Variants in DISP1 observed in about 807,000 individuals in gnomAD.
DISP1 encodes protein dispatched homolog 1.
In DISP1, 30 loss-of-function variants were observed where a neutral mutation model predicts 37.3. That is an observed-to-expected ratio of 0.80 (90% CI 0.60 to 1.09). The LOEUF (loss-of-function observed/expected upper bound fraction) is 1.09. Ranked by LOEUF, DISP1 falls within the 50% of genes least tolerant of loss-of-function variation. DISP1 has a pLI of 0.00. For missense variants in DISP1, 1,598 were observed against 1,879.5 expected (o/e 0.85, Z 2.77); for synonymous variants, 634 against 690.2 (o/e 0.92, Z 1.28).
chr1:222,919,537 T>G (rs1329923392), intron 1 of DISP1, among the ~76,000 whole-genome samples: 1 of 152,198 alleles, frequency 6.6e-6, no homozygotes, highest in Non-Finnish European at 1.5e-5. Flanking sequence ...CCCTGATCTC[T>G]TCTTTAAAAC....
intron 3 of DISP1, among the ~76,000 whole-genome samples, chr1:222,947,852 C>A (rs114583513): frequency 0.095 from 14,467 of 151,642 alleles, 728 homozygotes; most frequent in South Asian, 0.18. Context: ...TGGGTCAGGA[C>A]CGTTGTAGAT....
At chr1:222,994,452 C>T (rs1678919343) in intron 7 of DISP1, among the ~76,000 whole-genome samples, 1 of 152,190 alleles carries the variant, frequency 6.6e-6, no homozygotes, top group Non-Finnish European at 1.5e-5. Flanking sequence ...ATAGATCACC[C>T]ACCATCTCTC....
In DISP1 at chr1:222,821,022, A is replaced by G. The variant is rs556164935; in HGVS notation, c.-159+5944A>G. Among the ~76,000 whole-genome samples, 7 of 152,124 alleles carry G rather than the reference A, an allele frequency of 4.6e-5. No individual in the cohort carries two copies. In the South Asian group the frequency reaches 8.3e-4, roughly 18 times the overall value. On this transcript the variant is annotated intron_variant, in intron 1 of 8. Transcript: ENST00000675850. ...CTTATCCATCCCACGGGTCTTTGGC[A>G]TGCTTTTGCCTTCAAGTTTATCATT...
intron 1 of DISP1, among the ~76,000 whole-genome samples, chr1:222,926,918 T>A (rs1230800273): frequency 6.6e-6 from 1 of 152,176 alleles, no homozygotes; most frequent in African/African-American, 2.4e-5. Context: ...TTTTCACCGC[T>A]CTGCCAATTC....
intron 1 of DISP1, among the ~76,000 whole-genome samples, chr1:222,832,274 C>G (rs1665945717): frequency 6.6e-6 from 1 of 152,022 alleles, no homozygotes. Flanking sequence ...AAGTTTAAGT[C>G]CTGATTTACT....
At chr1:222,956,316 A>G (rs1407877187) in intron 3 of DISP1, among the ~76,000 whole-genome samples, 2 of 152,198 alleles carry the variant, frequency 1.3e-5, no homozygotes, top group Non-Finnish European at 2.9e-5. Context: ...CTGGACAGGA[A>G]GGAACAAGGT....
At chr1:222,936,617 A>G (rs12142997) in intron 2 of DISP1, among the ~76,000 whole-genome samples, 484 of 27,058 alleles carry the variant, frequency 0.018, 1 homozygote, top group South Asian at 0.039. Flanking sequence ...TATATATGAG[A>G]TATATATATC....
intron 1 of DISP1, among the ~76,000 whole-genome samples, chr1:222,886,941 T>C (rs1337519595): frequency 6.6e-6 from 1 of 152,232 alleles, no homozygotes; most frequent in Non-Finnish European, 1.5e-5. Flanking sequence ...TTTGATGTCA[T>C]GCATCTCTCA....
chr1:222,921,609 A>G (rs912755489), intron 1 of DISP1, among the ~76,000 whole-genome samples: 87 of 152,318 alleles, frequency 5.7e-4, no homozygotes, highest in African/African-American at 2.0e-3. Context: ...ATAGTGTAAC[A>G]TATTGTGGGG....
intron 2 of DISP1, among the ~76,000 whole-genome samples, chr1:222,939,016 C>A (rs1034319987): frequency 1.3e-5 from 2 of 151,904 alleles, no homozygotes; most frequent in Admixed American, 6.6e-5. Flanking sequence ...TTGATTGGTC[C>A]CATGTTATAA....
At chr1:222,934,564 A>G (rs1481697796) in intron 2 of DISP1, among the ~76,000 whole-genome samples, 1 of 152,142 alleles carries the variant, frequency 6.6e-6, no homozygotes, top group Non-Finnish European at 1.5e-5. Flanking sequence ...TTTTAGGATA[A>G]GCAGGAAGCA....
chr1:222,939,615 G>C (rs1014113024), intron 2 of DISP1, among the ~76,000 whole-genome samples: 8 of 151,724 alleles, frequency 5.3e-5, no homozygotes, highest in African/African-American at 1.9e-4. Context: ...GATCACCTGA[G>C]GTCAGGAGTT....
intron 3 of DISP1, among the ~76,000 whole-genome samples, chr1:222,955,431 T>G (rs940498754): frequency 6.6e-6 from 1 of 152,170 alleles, no homozygotes; most frequent in African/African-American, 2.4e-5. Flanking sequence ...GGGTTTGAGT[T>G]ATGATTTTTT....
intron 1 of DISP1, among the ~76,000 whole-genome samples, chr1:222,901,862 A>G (rs1671606949): frequency 6.6e-6 from 1 of 152,244 alleles, no homozygotes; most frequent in Non-Finnish European, 1.5e-5. Context: ...AAAAGCATAT[A>G]CTTCACTAAA....
chr1:222,997,438 G>A (rs1022001525), intron 8 of DISP1, among the ~76,000 whole-genome samples: 2 of 152,162 alleles, frequency 1.3e-5, no homozygotes, highest in Admixed American at 6.5e-5. Flanking sequence ...CATAAAAGAA[G>A]TGTGACACTG....
intron 1 of DISP1, among the ~76,000 whole-genome samples, chr1:222,845,709 T>G (rs543765151): frequency 6.6e-6 from 1 of 152,326 alleles, no homozygotes; most frequent in Non-Finnish European, 1.5e-5. Flanking sequence ...TATTTGTGTG[T>G]TTTGGCTCTA....
At chr1:222,979,253 A>T (rs998726864) in intron 3 of DISP1, among the ~76,000 whole-genome samples, 4 of 152,072 alleles carry the variant, frequency 2.6e-5, no homozygotes, top group African/African-American at 9.7e-5. Flanking sequence ...ACAAATAAAA[A>T]ATCTAAAAAA....
At chr1:222,885,118 G>A (rs1226656838) in intron 1 of DISP1, among the ~76,000 whole-genome samples, 3 of 152,108 alleles carry the variant, frequency 2.0e-5, no homozygotes, top group Non-Finnish European at 2.9e-5. Context: ...GTGAGCCACC[G>A]CACCTGGCCT....
At chr1:222,995,018 A>G (rs1678960270) in intron 8 of DISP1, 36 bp downstream of exon 8, 2 of 1,506,574 alleles carry the variant, frequency 1.3e-6, no homozygotes, top group Non-Finnish European at 1.8e-6. Context: ...CCTTAGCACA[A>G]ATAAGGTTGT....
Sources: gnomAD v4.1 joint callset for allele counts (sites outside exome capture counted in the v4.1 genomes callset) on GRCh38, gnomAD v4.1.1 for gene constraint, MANE v1.5 for transcripts, NCBI Gene and HGNC (gene_info 2026-07-23, HGNC 2026-07-21) for gene names.